Variants in WAPL observed in about 807,000 individuals in gnomAD.
WAPL encodes wings apart-like protein homolog.
Under a neutral mutation model 121.0 loss-of-function variants are expected in WAPL, and 5 were observed. The ratio of observed to expected loss-of-function variants is 0.04; its 90% confidence interval spans 0.02 to 0.09. The LOEUF (loss-of-function observed/expected upper bound fraction) is 0.09. Among genes scored for constraint, WAPL ranks in the 10% least tolerant of loss-of-function variants. The probability of loss-of-function intolerance (pLI) is 1.00; values close to 1 mark genes in which losing one functional copy is unlikely to be tolerated. For synonymous variants in WAPL, 480 were observed against 481.5 expected, an observed-to-expected ratio of 1.00 and a Z score of 0.04; for missense variants, 999 against 1,410.8, an observed-to-expected ratio of 0.71 and a Z score of 4.68.
rs137955784 is a variant in WAPL, at chr10:86,518,885, T to C, written c.-22-794A>G. On this transcript the variant is annotated intron_variant, in intron 1 of 18. Transcript: ENST00000298767. Reference sequence around the variant, plus strand: ...GATTCTGCTTCTTGGTGTAATGTAATTTGCGCTGTGACTTTAAAAATGTTC... The same window carrying C: ...GATTCTGCTTCTTGGTGTAATGTAACTTGCGCTGTGACTTTAAAAATGTTC... Among the ~76,000 whole-genome samples, 26 of 152,356 alleles carry C rather than the reference T, an allele frequency of 1.7e-4. No individual in the cohort carries two copies. The East Asian group carries it at 5.0e-3, about 29-fold the overall frequency.
Position 86,453,790 on chromosome 10 carries a change from C to T in WAPL, c.2699G>A (p.Arg900His), listed in dbSNP as rs1469974411. 13 of 1,613,226 alleles carry T rather than the reference C, an allele frequency of 8.1e-6. No individual in the cohort carries two copies. Among genetic ancestry groups the T allele is most frequent in the African/African-American group, 2.7e-5 (2 of 74,860 alleles). ...HCEELIQQYN[R>H]AEDSICLADS... ...AGCTAAGCATATGCTGTCCTCAGCA[C>T]GGTTGTACTGCTGAATCAGTTCTTC... The change falls in exon 13 of 19, where the codon CGT (arginine) becomes CAT (histidine). Residue 900 changes from arginine (R) to histidine (H), a missense_variant. Coordinates refer to ENST00000298767, the MANE Select transcript of WAPL (RefSeq NM_015045.5).
At chr10:86,479,082 G>C (rs1841724534) in intron 4 of WAPL, among the ~76,000 whole-genome samples, 1 of 151,924 alleles carries the variant, frequency 6.6e-6, no homozygotes, top group Non-Finnish European at 1.5e-5. Context: ...CTGGGTGACA[G>C]AGTGACACTC....
At chr10:86,443,449 T>A in intron 16 of WAPL, 86 bp from the exon 17 acceptor site, 1 of 1,152,548 alleles carries the variant, frequency 8.7e-7, no homozygotes, top group Non-Finnish European at 1.3e-6. Context: ...TTATCTTTAC[T>A]TTAAAACTGC....
intron 4 of WAPL, among the ~76,000 whole-genome samples, chr10:86,474,755 T>C (rs1473647524): frequency 2.6e-5 from 4 of 152,172 alleles, no homozygotes; most frequent in African/African-American, 9.7e-5. Flanking sequence ...GTAATGATGA[T>C]AATAATAATA....
At chr10:86,462,197 A>C (rs759336038) in intron 9 of WAPL, among the ~76,000 whole-genome samples, 4 of 152,238 alleles carry the variant, frequency 2.6e-5, no homozygotes, top group Non-Finnish European at 5.9e-5. Flanking sequence ...GAACTTCAGC[A>C]TAACAAAAGA....
chr10:86,451,232 G>A (rs910901183), intron 15 of WAPL, among the ~76,000 whole-genome samples: 1 of 151,836 alleles, frequency 6.6e-6, no homozygotes, highest in African/African-American at 2.4e-5. Flanking sequence ...GTAAGCCACT[G>A]CACCCAATTT....
chr10:86,450,715 C>T (rs1166829273), intron 15 of WAPL, among the ~76,000 whole-genome samples: 2 of 152,162 alleles, frequency 1.3e-5, no homozygotes, highest in East Asian at 3.8e-4. Context: ...ATTACTGTTA[C>T]TGATAAGTAA....
At chr10:86,442,156 C>G (rs570518754) in intron 17 of WAPL, among the ~76,000 whole-genome samples, 8 of 152,270 alleles carry the variant, frequency 5.3e-5, no homozygotes, top group South Asian at 2.1e-4. Context: ...CTCAGCCTCC[C>G]GAGTAGCTGA....
intron 17 of WAPL, among the ~76,000 whole-genome samples, chr10:86,442,923 G>A (rs920780342): frequency 1.7e-4 from 26 of 151,676 alleles, no homozygotes; most frequent in African/African-American, 6.1e-4. Context: ...GGCGCCTGTA[G>A]TCCCAGCTAC....
intron 15 of WAPL, among the ~76,000 whole-genome samples, chr10:86,451,392 CT>C (rs397737578): frequency 0.019 from 2,809 of 145,158 alleles, 51 homozygotes; most frequent in African/African-American, 0.046. Context: ...ATTATACCAC[CT>C]TTTTTTTTTT....
At chr10:86,439,174 C>A (rs532482407) in intron 17 of WAPL, among the ~76,000 whole-genome samples, 1 of 152,260 alleles carries the variant, frequency 6.6e-6, no homozygotes, top group East Asian at 1.9e-4. Flanking sequence ...ACTACCCACC[C>A]CCTTTTTCCT....
intron 4 of WAPL, among the ~76,000 whole-genome samples, chr10:86,478,443 G>A (rs1841709603): frequency 6.6e-6 from 1 of 151,982 alleles, no homozygotes; most frequent in African/African-American, 2.4e-5. Context: ...AAAAAAAAAG[G>A]ATGGATTCTG....
intron 9 of WAPL, among the ~76,000 whole-genome samples, chr10:86,463,524 TA>T (rs1276971225): frequency 6.6e-6 from 1 of 152,194 alleles, no homozygotes; most frequent in Non-Finnish European, 1.5e-5. Flanking sequence ...AGTTAAAAAA[TA>T]ATAATTTTAA....
At chr10:86,490,669 A>G (rs1285582414) in intron 4 of WAPL, among the ~76,000 whole-genome samples, 1 of 152,208 alleles carries the variant, frequency 6.6e-6, no homozygotes, top group Non-Finnish European at 1.5e-5. Context: ...TTACAAAGAA[A>G]TTAAAATTCA....
At chr10:86,494,405 G>A (rs572040455) in intron 4 of WAPL, among the ~76,000 whole-genome samples, 3 of 152,266 alleles carry the variant, frequency 2.0e-5, no homozygotes, top group South Asian at 2.1e-4. Context: ...TGATTCAAAC[G>A]TGGGAATGTG....
At chr10:86,497,127 T>C in intron 4 of WAPL, 74 bp downstream of exon 4, 2 of 1,240,630 alleles carry the variant, frequency 1.6e-6, no homozygotes, top group East Asian at 2.4e-5. Context: ...TTAGTAACTT[T>C]CAAATAAAAA....
chr10:86,503,622 G>A (rs558627904), intron 2 of WAPL, among the ~76,000 whole-genome samples: 19 of 150,694 alleles, frequency 1.3e-4, no homozygotes, highest in South Asian at 6.4e-4. Flanking sequence ...GCGTGGTGGC[G>A]GGCATCTGTA....
Position 86,472,261 on chromosome 10 carries a change from C to G in WAPL, c.1977G>C (p.Glu659Asp). Residue 659 changes from glutamate to aspartate, a missense_variant, in exon 7 of 19, where the codon GAG becomes GAC. Coordinates refer to ENST00000298767, the MANE Select transcript of WAPL (RefSeq NM_015045.5). The surrounding 1 kb of genome is among the most constrained non-coding windows in gnomAD (Gnocchi z 4.2). ...TGCTCTTTAAGCCACTTAACAAGTA[C>G]TCAATGTCATCAGTGAACTCTTGAT... ...GENQEFTDDIEYLLSGLKSTQ... is the reference protein window; with the variant it reads ...GENQEFTDDIDYLLSGLKSTQ... 1 of 1,604,412 alleles carries G rather than the reference C, an allele frequency of 6.2e-7. No individual in the cohort carries two copies.
In WAPL at chr10:86,512,888, G is replaced by T. The variant is rs929437397; in HGVS notation, c.499+4683C>A. 3.3e-5 allele frequency among the ~76,000 whole-genome samples: 5 copies of T among 152,132 alleles called. No individual in the cohort carries two copies. The South Asian group carries it at 1.0e-3, about 32-fold the overall frequency. On this transcript the variant is annotated intron_variant, in intron 2 of 18. Coordinates refer to ENST00000298767, the MANE Select transcript of WAPL (RefSeq NM_015045.5). ...CATTCTATTTTTGTGTGCCTGAAAAGTTTCATAATAAACGTTTTCTTCTTG... is the reference window on the plus strand; with the variant it reads ...CATTCTATTTTTGTGTGCCTGAAAATTTTCATAATAAACGTTTTCTTCTTG...
Sources: allele counts gnomAD v4.1 joint callset (sites outside exome capture counted in the v4.1 genomes callset), GRCh38; gene constraint gnomAD v4.1.1; non-coding constraint Gnocchi (gnomAD v3.1); transcripts MANE v1.5; gene names NCBI Gene and HGNC (gene_info 2026-07-23, HGNC 2026-07-21).